Variants in SERGEF observed in about 807,000 individuals in gnomAD.
SERGEF encodes secretion-regulating guanine nucleotide exchange factor.
A neutral mutation model predicts 50.0 loss-of-function variants in SERGEF; 51 were observed. The ratio of observed to expected loss-of-function variants is 1.02; its 90% CI spans 0.81 to 1.29. The LOEUF is 1.29. Among genes scored for constraint, SERGEF ranks in the 50% most tolerant of loss-of-function variants. The pLI is 0.00. For synonymous variants in SERGEF, 205 were observed against 212.4 expected, an observed-to-expected ratio of 0.97 and a Z score of 0.30; for missense variants, 521 against 557.0, an observed-to-expected ratio of 0.94 and a Z score of 0.65.
chr11:17,921,851 C>T (rs971198292), intron 9 of SERGEF, among the ~76,000 whole-genome samples: 38 of 152,150 alleles, frequency 2.5e-4, no homozygotes, highest in Admixed American at 1.4e-3. Flanking sequence ...CTAGAATGAC[C>T]GACACAGGGG....
chr11:17,843,563 T>C (rs1392618570), intron 10 of SERGEF, among the ~76,000 whole-genome samples: 1 of 152,220 alleles, frequency 6.6e-6, no homozygotes, highest in African/African-American at 2.4e-5. Flanking sequence ...TCTGTGGTCT[T>C]TCCACTTACT....
At chr11:17,814,843 T>C (rs1035632695) in intron 10 of SERGEF, among the ~76,000 whole-genome samples, 1 of 152,180 alleles carries the variant, frequency 6.6e-6, no homozygotes, top group Non-Finnish European at 1.5e-5. Flanking sequence ...ACTAGGAGTA[T>C]GAACAATTTT....
At chr11:17,958,270 T>C (rs1852917626) in intron 9 of SERGEF, among the ~76,000 whole-genome samples, 2 of 152,192 alleles carry the variant, frequency 1.3e-5, no homozygotes, top group African/African-American at 4.8e-5. Flanking sequence ...ATTAGTCTGA[T>C]GCTAATTACA....
In SERGEF at chr11:17,973,549, G is replaced by A. The variant is rs183978816; in HGVS notation, c.845-13913C>T. Among the ~76,000 whole-genome samples the A allele has an allele frequency of 1.6e-3, 245 of 152,316 alleles. 1 individual carries two copies. The highest frequency in any genetic ancestry group is 2.7e-3 in the Non-Finnish European group (182 of 68,026). ...AGCAATTCACCCAGAGGCAGCAGTA[G>A]GGAAGGGAAGGAGCCTATCCTAGGA... On this transcript the variant is annotated intron_variant, in intron 8 of 10. Coordinates refer to ENST00000265965, the MANE Select transcript of SERGEF (RefSeq NM_012139.4).
Position 17,888,458 on chromosome 11 carries a change from T to C in SERGEF, c.1012-10214A>G, listed in dbSNP as rs1851470157. On this transcript the variant is annotated intron_variant, in intron 9 of 10. Transcript: ENST00000265965. This position sits in a 1 kb window ranked among gnomAD's most constrained non-coding sequence, Gnocchi z 4.1. ...TGCATGCGTGTATCAATTCTGAAAGTATTTTGTATATATTGTGGGACCATG... is the reference window on the plus strand; with the variant it reads ...TGCATGCGTGTATCAATTCTGAAAGCATTTTGTATATATTGTGGGACCATG... 2.0e-5 allele frequency among the ~76,000 whole-genome samples: 3 copies of C among 152,196 alleles called. No homozygotes were observed. The South Asian group carries it at 6.2e-4, about 32-fold the overall frequency.
At chr11:17,826,178 T>C (rs1244004814) in intron 10 of SERGEF, among the ~76,000 whole-genome samples, 1 of 152,256 alleles carries the variant, frequency 6.6e-6, no homozygotes, top group East Asian at 1.9e-4. Flanking sequence ...TCATTTAATC[T>C]TCACCATAAG....
chr11:17,965,515 T>C (rs944653906), intron 8 of SERGEF, among the ~76,000 whole-genome samples: 1 of 152,122 alleles, frequency 6.6e-6, no homozygotes, highest in Non-Finnish European at 1.5e-5. Context: ...ACTACTCAAC[T>C]CAGATCAGGT....
chr11:17,992,644 G>A (rs1853740304), intron 7 of SERGEF, among the ~76,000 whole-genome samples: 1 of 152,150 alleles, frequency 6.6e-6, no homozygotes, highest in Non-Finnish European at 1.5e-5. Context: ...TATCCTTATT[G>A]TATAGTTAAG....
chr11:17,848,826 G>C (rs1850663398), intron 10 of SERGEF, among the ~76,000 whole-genome samples: 1 of 152,120 alleles, frequency 6.6e-6, no homozygotes. Flanking sequence ...CATCTTCAAG[G>C]CTCTTGATAA....
chr11:17,856,295 A>G (rs1850816794), intron 10 of SERGEF: 1 of 152,402 alleles, frequency 6.6e-6, no homozygotes, highest in South Asian at 2.1e-4. Context: ...AAGACTTACC[A>G]TTTCTACCAC....
At chr11:17,835,102 CCA>C (rs1850376587) in intron 10 of SERGEF, among the ~76,000 whole-genome samples, 1 of 152,166 alleles carries the variant, frequency 6.6e-6, no homozygotes, top group Admixed American at 6.5e-5. Context: ...TTAATAGTTT[CCA>C]GTCTTATAAA....
rs112392202 is a variant in SERGEF, at chr11:17,978,152, C to T, written c.844+10445G>A. Among the ~76,000 whole-genome samples the T allele has an allele frequency of 5.6e-3, 852 of 152,232 alleles. 13 individuals are homozygous for T. The highest frequency in any genetic ancestry group is 0.019 in the African/African-American group (803 of 41,536). On this transcript the variant is annotated intron_variant, in intron 8 of 10. Transcript: ENST00000265965. ...CTCACCTAGAATGAAGGGAAATGAA[C>T]CCTACCTTAAGGGGCTACAGCAGTA...
intron 1 of SERGEF, among the ~76,000 whole-genome samples, chr11:18,011,488 T>C (rs575300496): frequency 6.6e-6 from 1 of 152,306 alleles, no homozygotes. Flanking sequence ...ACTCACACCT[T>C]GATCTTGGCC....
intron 9 of SERGEF, among the ~76,000 whole-genome samples, chr11:17,890,502 C>T (rs1851512439): frequency 6.6e-6 from 1 of 152,134 alleles, no homozygotes; most frequent in South Asian, 2.1e-4. Flanking sequence ...TTTTCTCTCA[C>T]ATGTTTTCTC....
chr11:17,855,245 T>C (rs1850796043), intron 10 of SERGEF: 1 of 152,234 alleles, frequency 6.6e-6, no homozygotes, highest in South Asian at 2.1e-4. Flanking sequence ...CTTTATTTTA[T>C]AGATGTGCTA....
intron 9 of SERGEF, among the ~76,000 whole-genome samples, chr11:17,881,642 G>T (rs1361726505): frequency 6.6e-6 from 1 of 152,212 alleles, no homozygotes; most frequent in Non-Finnish European, 1.5e-5. Flanking sequence ...AGCTAGATGA[G>T]TCCCAGGTCC....
intron 10 of SERGEF, among the ~76,000 whole-genome samples, chr11:17,812,220 T>G (rs1849888636): frequency 2.0e-5 from 3 of 152,002 alleles, no homozygotes; most frequent in African/African-American, 7.3e-5. Context: ...CACAAAACAC[T>G]CTCAGTCTAA....
chr11:17,940,193 C>T (rs919349254), intron 9 of SERGEF, among the ~76,000 whole-genome samples: 2 of 152,084 alleles, frequency 1.3e-5, no homozygotes, highest in Middle Eastern at 3.4e-3. Flanking sequence ...ACGTTTCAGA[C>T]CAAAAAAGAG....
intron 10 of SERGEF, among the ~76,000 whole-genome samples, chr11:17,805,195 G>A (rs1849735779): frequency 6.6e-6 from 1 of 152,154 alleles, no homozygotes; most frequent in African/African-American, 2.4e-5. Context: ...GTCAGACCTG[G>A]GCTCTAAGTC....
Sources: allele counts gnomAD v4.1 joint callset (sites outside exome capture counted in the v4.1 genomes callset), GRCh38; gene constraint gnomAD v4.1.1; non-coding constraint Gnocchi (gnomAD v3.1); transcripts MANE v1.5; gene names NCBI Gene and HGNC (gene_info 2026-07-23, HGNC 2026-07-21).